PYROXD2: variants seen among roughly 807,000 people sequenced by gnomAD.
PYROXD2 encodes the protein pyridine nucleotide-disulphide oxidoreductase domain 2.
PYROXD2 carries 69 observed loss-of-function variants against 71.1 expected under a neutral mutation model. The ratio of observed to expected loss-of-function variants is 0.97; its 90% CI spans 0.80 to 1.19. PYROXD2 has a LOEUF of 1.19. PYROXD2 is among the 50% of genes most tolerant of loss of function. The pLI is 0.00. For synonymous variants in PYROXD2, 287 were observed against 302.7 expected (o/e 0.95, Z 0.54); for missense variants, 745 against 748.9 (o/e 0.99, Z 0.06).
chr10:98,399,379 A>T (rs4488133), intron 5 of PYROXD2, among the ~76,000 whole-genome samples: 77,292 of 152,150 alleles, frequency 0.51, 22,264 homozygotes, highest in African/African-American at 0.78. Context: ...CATCTCAGCT[A>T]ATATCCAGGC....
intron 5 of PYROXD2, among the ~76,000 whole-genome samples, chr10:98,399,541 ACATGTGTT>A (rs1843316401): frequency 6.6e-6 from 1 of 151,766 alleles, no homozygotes; most frequent in Non-Finnish European, 1.5e-5. Flanking sequence ...TCTCCATCCG[ACATGTGTT>A]CATCCTGTCA....
chr10:98,395,083 C>G, intron 8 of PYROXD2, 113 bp downstream of exon 8: 2 of 898,690 alleles, frequency 2.2e-6, no homozygotes, highest in Non-Finnish European at 3.7e-6. Context: ...TCCTGGCTCA[C>G]TGGGTGAGCT....
chr10:98,394,513 G>C (rs116199492), intron 8 of PYROXD2, among the ~76,000 whole-genome samples: 2 of 150,332 alleles, frequency 1.3e-5, no homozygotes, highest in African/African-American at 4.9e-5. Context: ...CACTGGAAAC[G>C]GCCCAACCCT....
intron 1 of PYROXD2, among the ~76,000 whole-genome samples, chr10:98,413,488 G>A (rs974398767): frequency 4.6e-5 from 7 of 152,114 alleles, no homozygotes; most frequent in Admixed American, 4.6e-4. Context: ...GGCTGAGGCA[G>A]GTGGATCACA....
chr10:98,407,983 C>T lies in PYROXD2; in HGVS notation c.162G>A (p.Gln54=). 1.2e-6 allele frequency: 2 copies of T among 1,606,716 alleles called. No individual in the cohort carries two copies. The highest frequency in any genetic ancestry group is 1.7e-6 in the Non-Finnish European group (2 of 1,176,784). Residue 54 remains glutamine (Q), a synonymous_variant, in exon 3 of 16, where the codon CAG becomes CAA. Coordinates refer to ENST00000370575, the MANE Select transcript of PYROXD2 (RefSeq NM_032709.3). ...HNGLVAAAYL[Q]RLGVNTAVFE... ...AGACGGCGGTGTTCACCCCCAGTCT[C>T]TGCAGGTACGCTGCCTGGGAAGTGG...
chr10:98,414,953 G>C, intron 1 of PYROXD2, 56 bp downstream of exon 1: 1 of 1,581,806 alleles, frequency 6.3e-7, no homozygotes, highest in South Asian at 1.2e-5. Context: ...ACCAAGCTCT[G>C]AGCAGGGCTG....
At position 98,409,448 on chromosome 10, in the gene PYROXD2, C is replaced by G. The variant is rs545424771; in HGVS notation, c.148-1451G>C. 3.3e-5 allele frequency among the ~76,000 whole-genome samples: 5 copies of G among 152,312 alleles called. No homozygotes were observed. The East Asian group carries it at 5.8e-4, about 18-fold the overall frequency. ...TCCTGTGCTAGGTTCTTTCTAACAC[C>G]TTCCTACTGAGGCAACCCGAGGTTC... On this transcript the variant is annotated intron_variant, in intron 2 of 15. Transcript: ENST00000370575.
intron 1 of PYROXD2, 21 bp downstream of exon 1, chr10:98,414,988 C>T (rs765609712): frequency 5.3e-5 from 86 of 1,610,986 alleles, no homozygotes; most frequent in East Asian, 6.7e-5. Context: ...AGCTCTGGCC[C>T]GGCCTGCTTT....
intron 1 of PYROXD2, among the ~76,000 whole-genome samples, chr10:98,412,538 A>G (rs1196990570): frequency 3.0e-5 from 4 of 135,142 alleles, no homozygotes; most frequent in Non-Finnish European, 4.6e-5. Flanking sequence ...GGGGCCAGGA[A>G]TCTCCATTTT....
chr10:98,413,671 G>A (rs6584203), intron 1 of PYROXD2, among the ~76,000 whole-genome samples: 54,707 of 151,936 alleles, frequency 0.36, 11,020 homozygotes, highest in African/African-American at 0.53. Context: ...CCGAGATTGC[G>A]CCGCTGCACT....
rs369164072 is a variant in PYROXD2 at position 98,400,238 on chromosome 10, T to C, written c.335A>G (p.His112Arg). Residue 112 changes from histidine to arginine, a missense_variant, in exon 5 of 16, where the codon CAT (histidine) becomes CGT (arginine). By Grantham distance (29) the His-to-Arg change is conservative. Transcript: ENST00000370575. ...GGTGAAGGAGTAGGGGTTTCGAAGATGAAGCCTCAGCCCATGTTTCTGCAA... is the reference window on the plus strand; with the variant it reads ...GGTGAAGGAGTAGGGGTTTCGAAGACGAAGCCTCAGCCCATGTTTCTGCAA... ...LELKKHGLRL[H>R]LRNPYSFTPM... 49 of 1,612,036 alleles carry C rather than the reference T, an allele frequency of 3.0e-5. No homozygotes were observed. Among genetic ancestry groups the C allele is most frequent in the Non-Finnish European group, 4.1e-5 (48 of 1,178,826 alleles).
At chr10:98,411,166 G>A in intron 1 of PYROXD2, 1 of 711,794 alleles carries the variant, frequency 1.4e-6, no homozygotes, top group Non-Finnish European at 2.3e-6. Flanking sequence ...AGAAAACCCT[G>A]GTTCTTGCCT....
At chr10:98,393,288 A>G (rs1227660538) in intron 8 of PYROXD2, among the ~76,000 whole-genome samples, 1 of 152,054 alleles carries the variant, frequency 6.6e-6, no homozygotes, top group Non-Finnish European at 1.5e-5. Context: ...GTCTATGTGC[A>G]TAGCTTATTA....
At chr10:98,383,967 G>A in intron 15 of PYROXD2, 99 bp from the exon 16 acceptor site, 2 of 1,081,374 alleles carry the variant, frequency 1.8e-6, no homozygotes, top group South Asian at 2.5e-5. Context: ...AAGCAGAGTG[G>A]GGCTGGTTAG....
chr10:98,391,076 G>A lies in PYROXD2; in HGVS notation c.1069C>T (p.Leu357Phe). The A allele has an allele frequency of 6.2e-7, 1 of 1,609,234 alleles. No homozygotes were observed. The highest frequency in any genetic ancestry group is 8.5e-7 in the Non-Finnish European group (1 of 1,175,782). Residue 357 changes from leucine to phenylalanine, a missense_variant, in exon 11 of 16, where the codon CTT (leucine) becomes TTT (phenylalanine). Leu to Phe is a conservative substitution (Grantham distance 22). Coordinates refer to ENST00000370575, the MANE Select transcript of PYROXD2 (RefSeq NM_032709.3). ...TFLKLTPQEW[L>F]PEEFLERISQ... ...ATTCTCTCCAGGAACTCCTCAGGAA[G>A]CCACTCCTGGAAGGAGAAGGCTCCA...
At position 98,404,587 on chromosome 10, in the gene PYROXD2, A is replaced by G. The variant is rs1843530949; in HGVS notation, c.315+2995T>C. Among the ~76,000 whole-genome samples, 3 of 152,288 alleles carry G rather than the reference A, an allele frequency of 2.0e-5. No homozygotes were observed. The South Asian group carries it at 6.2e-4, about 32-fold the overall frequency. On this transcript the variant is annotated intron_variant, in intron 4 of 15. Coordinates refer to ENST00000370575, the MANE Select transcript of PYROXD2 (RefSeq NM_032709.3). ...AAAAAAACCCAAAAAAACAAAATGA[A>G]AGCAAACCCTTCTTTTATTTACCCC...
intron 10 of PYROXD2, among the ~76,000 whole-genome samples, chr10:98,391,747 C>A (rs1842951623): frequency 6.6e-6 from 1 of 152,180 alleles, no homozygotes; most frequent in South Asian, 2.1e-4. Flanking sequence ...AGCTTGCCTG[C>A]TTTTGCCCTT....
intron 2 of PYROXD2, among the ~76,000 whole-genome samples, chr10:98,408,736 A>T (rs2136027410): frequency 1.3e-5 from 2 of 152,374 alleles, no homozygotes; most frequent in Admixed American, 1.3e-4. Flanking sequence ...TCATGAATCT[A>T]CCGATCTAAA....
chr10:98,394,703 C>T (rs1473526442), intron 8 of PYROXD2, among the ~76,000 whole-genome samples: 2 of 152,074 alleles, frequency 1.3e-5, no homozygotes, highest in African/African-American at 4.8e-5. Flanking sequence ...AAGAAAAAGG[C>T]AGCTTCCTGT....
Sources: allele counts gnomAD v4.1 joint callset (sites outside exome capture counted in the v4.1 genomes callset), GRCh38; gene constraint gnomAD v4.1.1; transcripts MANE v1.5; gene names NCBI Gene and HGNC (gene_info 2026-07-23, HGNC 2026-07-21).